The following ZBTB41 variants were observed in gnomAD, a reference collection of about 807,000 sequenced individuals.
ZBTB41 encodes the protein zinc finger and BTB domain-containing protein 41.
A neutral mutation model predicts 87.6 loss-of-function variants in ZBTB41; 42 were observed. That is an observed-to-expected ratio of 0.48 (90% CI 0.37 to 0.62). ZBTB41 has a LOEUF of 0.62. Among genes scored for constraint, ZBTB41 ranks in the 20% least tolerant of loss-of-function variants. The pLI, the probability that ZBTB41 is intolerant of heterozygous loss-of-function variation, is 0.00. For missense variants in ZBTB41, 799 were observed against 1,078.9 expected (o/e 0.74, Z 3.63); for synonymous variants, 364 against 364.0 (o/e 1.00, Z 0.00).
At chr1:197,187,086 G>A (rs1190589107) in intron 5 of ZBTB41, among the ~76,000 whole-genome samples, 3 of 152,146 alleles carry the variant, frequency 2.0e-5, no homozygotes, top group African/African-American at 7.2e-5. Flanking sequence ...AACATGAAGT[G>A]ACAGACATTC....
At chr1:197,194,703 T>A (rs1449365613) in intron 2 of ZBTB41, among the ~76,000 whole-genome samples, 2 of 152,108 alleles carry the variant, frequency 1.3e-5, no homozygotes, top group South Asian at 2.1e-4. Context: ...ATGATTTTTT[T>A]AAAAACCATT....
rs1652720811 is a variant in ZBTB41, at chr1:197,200,475, G to A, written c.-2C>T. The A allele has an allele frequency of 6.4e-7, 1 of 1,567,388 alleles. No homozygotes were observed. The highest frequency in any genetic ancestry group is 8.6e-7 in the Non-Finnish European group (1 of 1,162,728). ...AGTAACCTTTCTCCTCTTCTTCATT[G>A]CAGTACAGCAATTTCAGAACAAGAA... On this transcript the variant is annotated 5_prime_UTR_variant, in exon 2 of 11. Transcript: ENST00000367405.
At position 197,200,366 on chromosome 1, in the gene ZBTB41, A is replaced by G; in HGVS notation, c.108T>C (p.Tyr36=). Residue 36 remains tyrosine, a synonymous_variant, in exon 2 of 11, where the codon TAT becomes TAC. Coordinates refer to ENST00000367405, the MANE Select transcript of ZBTB41 (RefSeq NM_194314.3). ...GAGTTGGTCTTCCTGCAGAATGAGT[A>G]TAGGTCACTTGGTCACACTCCACTG... ...NVAVECDQVT[Y]THSAGRPTPE... is the part of the protein sequence containing the mutation. The G allele has an allele frequency of 3.7e-6, 6 of 1,614,188 alleles. No homozygotes were observed. Among genetic ancestry groups the G allele is most frequent in the Non-Finnish European group, 5.1e-6 (6 of 1,180,028 alleles).
chr1:197,188,248 A>G (rs1339846945), intron 5 of ZBTB41, 44 bp downstream of exon 5: 2 of 1,601,932 alleles, frequency 1.2e-6, no homozygotes, highest in Admixed American at 1.8e-5. Flanking sequence ...TGATGTGATA[A>G]TTAAAATTGT....
At chr1:197,172,380 A>G (rs1294996636) in intron 9 of ZBTB41, 132 bp from the exon 10 acceptor site, 1 of 247,150 alleles carries the variant, frequency 4.0e-6, no homozygotes, top group African/African-American at 2.3e-5. Flanking sequence ...CTGTGTATAT[A>G]ATTCTCACAT....
In ZBTB41 at chr1:197,199,339, GTTTTC is replaced by G; in HGVS notation, c.1120+10_1120+14del. ...GTAAGTGATTAGAGATAGAAAACCAGTTTTCTTTTCTTACCTATTCGGTCAAATGT... is the reference window on the plus strand; with the variant it reads ...GTAAGTGATTAGAGATAGAAAACCAGTTTTCTTACCTATTCGGTCAAATGT... On this transcript the variant is annotated intron_variant, in intron 2 of 10. Transcript: ENST00000367405. 3 of 1,473,358 alleles carry G rather than the reference GTTTTC, an allele frequency of 2.0e-6. No homozygotes were observed. Among genetic ancestry groups the G allele is most frequent in the Non-Finnish European group, 2.7e-6 (3 of 1,116,586 alleles). 91.3% of individuals were successfully genotyped at this position (1,473,358 alleles called of 1,614,324 possible). A position where few individuals can be genotyped will look rare whatever the true frequency, so the allele number is the denominator to read the frequency against.
Position 197,200,305 on chromosome 1 carries a change from A to T in ZBTB41, c.169T>A (p.Ser57Thr). The change falls in exon 2 of 11, where the codon TCT becomes ACT. Residue 57 changes from serine to threonine, a missense_variant. Ser to Thr is a moderately conservative substitution (Grantham distance 58). This residue lies in a region of ZBTB41 where 77 missense variants were observed against 68.4 expected (regional missense o/e 1.13). Transcript: ENST00000367405. The stretch of plus-strand genomic sequence containing the variant: ...CTTAAAAGCTTTCTCTGATCTGGAG[A>T]GGGAGGAAGTTCCTGGTAACAGTGA... ...ALHCYQELPP[S>T]PDQRKLLSSL... 6.2e-7 allele frequency: 1 copy of T among 1,614,028 alleles called. No homozygotes were observed. The highest frequency in any genetic ancestry group is 8.5e-7 in the Non-Finnish European group (1 of 1,179,994).
chr1:197,199,357 T>A lies in ZBTB41; in HGVS notation c.1117A>T (p.Ile373Leu), dbSNP rs375291377. The change falls in exon 2 of 11, where the codon ATA (isoleucine) becomes TTA (leucine). Residue 373 changes from isoleucine to leucine, a missense_variant. By Grantham distance (5) the Ile-to-Leu change is conservative. Around this residue, in one of 5 missense-constraint regions of ZBTB41, gnomAD observed 294 missense variants for 340.1 expected, o/e 0.86. Transcript: ENST00000367405. ...CPKCDKTFDR[I>L]GKYESHTRVH... The stretch of plus-strand genomic sequence containing the variant: ...AAAACCAGTTTTCTTTTCTTACCTA[T>A]TCGGTCAAATGTTTTATCACATTTA... 6.7e-7 allele frequency: 1 copy of A among 1,501,078 alleles called. No individual in the cohort carries two copies. The highest frequency in any genetic ancestry group is 1.4e-5 in the South Asian group (1 of 69,246). 93.0% of individuals were successfully genotyped at this position (1,501,078 alleles called of 1,614,324 possible). A position where few individuals can be genotyped will look rare whatever the true frequency, so the allele number is the denominator to read the frequency against.
rs966068073 is a variant in ZBTB41, at chr1:197,155,625, A to C, written c.*3734T>G. 1 of 152,510 alleles carries C rather than the reference A, an allele frequency of 6.6e-6. No homozygotes were observed. The highest frequency in any genetic ancestry group is 6.5e-5 in the Admixed American group (1 of 15,276). 9.4% of individuals were successfully genotyped at this position (152,510 alleles called of 1,614,324 possible). ...TAATTTGTTTGCAATTATATTGAAA[A>C]GCAACCAATGATAATTACTTATTAA... On this transcript the variant is annotated 3_prime_UTR_variant, in exon 11 of 11. Transcript: ENST00000367405.
chr1:197,179,230 T>A (rs1054245234), intron 6 of ZBTB41, among the ~76,000 whole-genome samples: 41 of 152,178 alleles, frequency 2.7e-4, no homozygotes, highest in African/African-American at 9.4e-4. Context: ...TACAGTCATG[T>A]ACTGCATAAT....
At chr1:197,176,139 A>T (rs1272318214) in intron 8 of ZBTB41, 1 of 161,272 alleles carries the variant, frequency 6.2e-6, no homozygotes. Flanking sequence ...ACTATAATAT[A>T]CACTTTTAGC....
At chr1:197,191,990 A>C in intron 2 of ZBTB41, 91 bp from the exon 3 acceptor site, 1 of 1,049,216 alleles carries the variant, frequency 9.5e-7, no homozygotes, top group Non-Finnish European at 1.3e-6. Context: ...ATGATTTAGC[A>C]AACTTATATA....
intron 2 of ZBTB41, among the ~76,000 whole-genome samples, chr1:197,195,408 G>C (rs1048087959): frequency 1.3e-5 from 2 of 152,124 alleles, no homozygotes; most frequent in Non-Finnish European, 2.9e-5. Flanking sequence ...TTTTTACAAA[G>C]AGAAATATCA....
chr1:197,193,921 C>A (rs1243296712), intron 2 of ZBTB41, among the ~76,000 whole-genome samples: 3 of 152,082 alleles, frequency 2.0e-5, no homozygotes, highest in Non-Finnish European at 4.4e-5. Flanking sequence ...ATTTTTGGAA[C>A]AGGTCCATTT....
chr1:197,170,617 T>G (rs1412333459), intron 10 of ZBTB41, among the ~76,000 whole-genome samples: 1 of 152,112 alleles, frequency 6.6e-6, no homozygotes, highest in Non-Finnish European at 1.5e-5. Flanking sequence ...AAAATGGACT[T>G]GGGAACATGG....
At position 197,155,868 on chromosome 1, in the gene ZBTB41, T is replaced by C. The variant is rs1659054141; in HGVS notation, c.*3491A>G. The C allele has an allele frequency of 6.6e-6, 1 of 152,334 alleles. No individual in the cohort carries two copies. The highest frequency in any genetic ancestry group is 2.1e-4 in the South Asian group (1 of 4,832). The allele number at this position is 152,334 out of a possible 1,614,324, so 9.4% of individuals were successfully genotyped here. A position where few individuals can be genotyped will look rare whatever the true frequency, so the allele number is the denominator to read the frequency against. ...TATGCAAAGACTACTATCTTTACAG[T>C]TGGTTAAATCTTGCTGGCATAAGGA... On this transcript the variant is annotated 3_prime_UTR_variant, in exon 11 of 11. Transcript: ENST00000367405.
intron 5 of ZBTB41, among the ~76,000 whole-genome samples, chr1:197,183,919 G>A (rs1033050744): frequency 1.3e-5 from 2 of 152,132 alleles, no homozygotes; most frequent in African/African-American, 2.4e-5. Context: ...AGTTAGTAAG[G>A]TAAGTTCAGC....
intron 5 of ZBTB41, among the ~76,000 whole-genome samples, chr1:197,184,940 G>C (rs1490728667): frequency 3.3e-5 from 5 of 151,986 alleles, no homozygotes; most frequent in Non-Finnish European, 7.4e-5. Flanking sequence ...TCAGCCTCCT[G>C]AGTAGCTGGG....
intron 10 of ZBTB41, among the ~76,000 whole-genome samples, chr1:197,161,451 T>TTAAATATTATTGC (rs1485855404): frequency 2.0e-5 from 3 of 152,042 alleles, no homozygotes; most frequent in Non-Finnish European, 4.4e-5. Flanking sequence ...CTATTATTTG[T>TTAAATATTATTGC]TAAATATTAT....
Sources: gnomAD v4.1 joint callset for allele counts (sites outside exome capture counted in the v4.1 genomes callset) on GRCh38, gnomAD v4.1.1 for gene constraint, gnomAD v4.1.1 regional missense constraint, MANE v1.5 for transcripts, NCBI Gene and HGNC (gene_info 2026-07-23, HGNC 2026-07-21) for gene names.